FGF14: variants seen among roughly 807,000 people sequenced by gnomAD.
FGF14 encodes the protein fibroblast growth factor homologous factor 4.
In FGF14, 5 loss-of-function variants were observed where a neutral mutation model predicts 25.5. That is an observed-to-expected ratio of 0.20 (90% CI 0.10 to 0.41). The LOEUF is 0.41. Among genes scored for constraint, FGF14 ranks in the 10% least tolerant of loss-of-function variants. The probability of loss-of-function intolerance (pLI) is 1.00; values close to 1 mark genes in which losing one functional copy is unlikely to be tolerated. For missense variants in FGF14, 222 were observed against 320.1 expected, an observed-to-expected ratio of 0.69 and a Z score of 2.34; for synonymous variants, 138 against 118.3, an observed-to-expected ratio of 1.17 and a Z score of -1.08.
rs2045075762 is a variant in FGF14, at chr13:102,108,996, A to AC, written c.209-233701_209-233700insG. On this transcript the variant is annotated intron_variant, in intron 1 of 4. Transcript: ENST00000376131. Reference sequence around the variant, plus strand: ...AACCAGAGGCTTTCAGCTAGGTTTCATGATGGTCATGAATCCCTTGAAATT... The same window carrying AC: ...AACCAGAGGCTTTCAGCTAGGTTTCACTGATGGTCATGAATCCCTTGAAATT... Among the ~76,000 whole-genome samples the AC allele has an allele frequency of 4.0e-5, 3 of 74,148 alleles. No homozygotes were observed. In the Admixed American group the frequency reaches 4.2e-4, roughly 10 times the overall value. 48.6% of individuals were successfully genotyped at this position (74,148 alleles called of 152,430 possible). A position where few individuals can be genotyped will look rare whatever the true frequency, so the allele number is the denominator to read the frequency against.
intron 1 of FGF14, among the ~76,000 whole-genome samples, chr13:101,983,197 C>T (rs976198601): frequency 1.3e-5 from 2 of 152,062 alleles, no homozygotes; most frequent in Admixed American, 6.6e-5. Flanking sequence ...TCATTTGTAC[C>T]CTTGTATCTC....
At chr13:101,901,968 T>C (rs533080581) in intron 1 of FGF14, among the ~76,000 whole-genome samples, 4 of 152,192 alleles carry the variant, frequency 2.6e-5, no homozygotes. Flanking sequence ...GACATATTCA[T>C]ATACTTGTGA....
chr13:101,726,802 A>G lies in FGF14; in HGVS notation c.417T>C (p.Phe139=). ...ATTCTTTAAACTTGCATTCAGGGGT[A>G]AAAAGTTCCTGTGGAGAGAAAATGA... ...GEGYLYPSEL[F]TPECKFKESV... is the part of the protein sequence containing the mutation. Residue 139 remains phenylalanine (F), a synonymous_variant, in exon 4 of 5, where the codon TTT becomes TTC. Coordinates refer to ENST00000376143, the MANE Select transcript of FGF14 (RefSeq NM_004115.4). 3.7e-6 allele frequency: 6 copies of G among 1,608,360 alleles called. No individual in the cohort carries two copies. The highest frequency in any genetic ancestry group is 5.1e-6 in the Non-Finnish European group (6 of 1,177,674).
chr13:101,800,291 C>A (rs2140132294), intron 3 of FGF14, among the ~76,000 whole-genome samples: 1 of 152,136 alleles, frequency 6.6e-6, no homozygotes, highest in East Asian at 1.9e-4. Context: ...ATTTCATGTC[C>A]TTACAAATGA....
chr13:102,278,627 A>ATATATATATATATAT (rs2053663144), intron 1 of FGF14, among the ~76,000 whole-genome samples: 1 of 147,460 alleles, frequency 6.8e-6, no homozygotes, highest in East Asian at 2.0e-4. Flanking sequence ...CATTTTATGT[A>ATATATATATATATAT]ATATATATAT....
At chr13:102,071,494 C>T (rs2043152416) in intron 1 of FGF14, among the ~76,000 whole-genome samples, 1 of 152,070 alleles carries the variant, frequency 6.6e-6, no homozygotes, top group South Asian at 2.1e-4. Flanking sequence ...CTTTTCCTCC[C>T]TCTTGGTATT....
intron 1 of FGF14, among the ~76,000 whole-genome samples, chr13:102,388,049 C>T (rs902611021): frequency 6.6e-6 from 1 of 152,122 alleles, no homozygotes; most frequent in Non-Finnish European, 1.5e-5. Flanking sequence ...TTTTGATCCT[C>T]AACTCCTCAT....
Position 101,782,535 on chromosome 13 carries a change from T to TC in FGF14, c.409-55726dup, listed in dbSNP as rs1467928058. Among the ~76,000 whole-genome samples the TC allele has an allele frequency of 2.0e-5, 3 of 152,276 alleles. No individual in the cohort carries two copies. The East Asian group carries it at 5.8e-4, about 29-fold the overall frequency. On this transcript the variant is annotated intron_variant, in intron 3 of 4. Transcript: ENST00000376143. Reference sequence around the variant, plus strand: ...TTATTTTTCCTGATCCTCTCCCTCCTCCTACCCTTCACCCTCTGAAAGACC... The same window carrying TC: ...TTATTTTTCCTGATCCTCTCCCTCCTCCCTACCCTTCACCCTCTGAAAGACC...
intron 1 of FGF14, among the ~76,000 whole-genome samples, chr13:101,877,579 C>A (rs7139966): frequency 0.054 from 8,279 of 152,198 alleles, 727 homozygotes; most frequent in African/African-American, 0.19. Flanking sequence ...GCAGCCTGTA[C>A]AAGCGGAATA....
intron 1 of FGF14, among the ~76,000 whole-genome samples, chr13:102,202,460 T>G (rs912037205): frequency 3.3e-5 from 5 of 152,058 alleles, no homozygotes; most frequent in Non-Finnish European, 7.4e-5. Context: ...TAAGTGAGGG[T>G]GATGGCCAGG....
intron 1 of FGF14, among the ~76,000 whole-genome samples, chr13:102,314,710 T>C (rs1216999897): frequency 2.0e-5 from 3 of 152,152 alleles, no homozygotes; most frequent in African/African-American, 7.2e-5. Context: ...CAACAAGAGT[T>C]ACTGTTTTTA....
At chr13:101,844,915 G>T (rs1439894828) in intron 3 of FGF14, among the ~76,000 whole-genome samples, 1 of 151,946 alleles carries the variant, frequency 6.6e-6, no homozygotes, top group Non-Finnish European at 1.5e-5. Context: ...GACATCGTAG[G>T]AATTTACAGG....
chr13:102,130,167 C>T (rs1402654243), intron 1 of FGF14, among the ~76,000 whole-genome samples: 1 of 152,172 alleles, frequency 6.6e-6, no homozygotes, highest in Non-Finnish European at 1.5e-5. Flanking sequence ...GTTAGCCATT[C>T]AGGAACTCCA....
intron 1 of FGF14, among the ~76,000 whole-genome samples, chr13:102,163,613 G>A (rs2047874458): frequency 6.6e-6 from 1 of 152,134 alleles, no homozygotes; most frequent in Admixed American, 6.6e-5. Context: ...ACTTTGATCT[G>A]GGTGGATGGT....
chr13:102,372,555 C>T (rs1737137641), intron 1 of FGF14, among the ~76,000 whole-genome samples: 1 of 152,136 alleles, frequency 6.6e-6, no homozygotes, highest in Admixed American at 6.6e-5. Flanking sequence ...ATCCCCTATC[C>T]TCTATATTCT....
chr13:101,981,966 G>A (rs1034180955), intron 1 of FGF14, among the ~76,000 whole-genome samples: 1 of 152,144 alleles, frequency 6.6e-6, no homozygotes, highest in African/African-American at 2.4e-5. Flanking sequence ...CACTGCCTAT[G>A]GGGTGGATCT....
chr13:102,076,977 C>T (rs1245415424), intron 1 of FGF14, among the ~76,000 whole-genome samples: 3 of 152,020 alleles, frequency 2.0e-5, no homozygotes, highest in Non-Finnish European at 4.4e-5. Flanking sequence ...AGAAATAAAA[C>T]CACATATTTA....
At chr13:101,876,350 C>T (rs1186854231) in intron 1 of FGF14, among the ~76,000 whole-genome samples, 1 of 152,174 alleles carries the variant, frequency 6.6e-6, no homozygotes, top group Non-Finnish European at 1.5e-5. Context: ...TAATGCAATC[C>T]GCTGTCGAAA....
intron 3 of FGF14, among the ~76,000 whole-genome samples, chr13:101,855,536 G>A (rs2044080488): frequency 6.6e-6 from 1 of 151,872 alleles, no homozygotes; most frequent in Non-Finnish European, 1.5e-5. Flanking sequence ...AAAATGGCTG[G>A]AATATCTGAT....
Sources: gnomAD v4.1 joint callset for allele counts (sites outside exome capture counted in the v4.1 genomes callset) on GRCh38, gnomAD v4.1.1 for gene constraint, MANE v1.5 for transcripts, NCBI Gene and HGNC (gene_info 2026-07-23, HGNC 2026-07-21) for gene names.